Variants in CNOT10 observed in about 807,000 individuals in gnomAD.
The protein encoded by CNOT10 is CCR4-NOT transcription complex subunit 10.
Under a neutral mutation model 94.6 loss-of-function variants are expected in CNOT10, and 30 were observed. That is an observed-to-expected ratio of 0.32 (90% CI 0.24 to 0.43). The LOEUF (loss-of-function observed/expected upper bound fraction) is 0.43. CNOT10 is among the 20% of genes least tolerant of loss of function. The pLI, the probability that CNOT10 is intolerant of heterozygous loss-of-function variation, is 1.00. For synonymous variants in CNOT10, 289 were observed against 301.6 expected (o/e 0.96, Z 0.43); for missense variants, 759 against 877.2 (o/e 0.87, Z 1.70).
chr3:32,753,387 AAAG>A, intron 13 of CNOT10: 1 of 1,397,986 alleles, frequency 7.2e-7, no homozygotes, highest in South Asian at 1.2e-5. Flanking sequence ...AAGAATGTTC[AAAG>A]AATGATGTAA....
intron 13 of CNOT10, 67 bp from the exon 14 acceptor site, chr3:32,759,390 AT>A: frequency 9.0e-7 from 1 of 1,112,492 alleles, no homozygotes; most frequent in South Asian, 1.3e-5. Context: ...ATTTCTTCCT[AT>A]TTAGCAAATA....
At position 32,764,991 on chromosome 3, in the gene CNOT10, A is replaced by T; in HGVS notation, c.2004+182A>T. 3 of 1,519,112 alleles carry T rather than the reference A, an allele frequency of 2.0e-6. No individual in the cohort carries two copies. In the African/African-American group the frequency reaches 4.1e-5, roughly 21 times the overall value. 94.1% of individuals were successfully genotyped at this position (1,519,112 alleles called of 1,614,324 possible). A position where few individuals can be genotyped will look rare whatever the true frequency, so the allele number is the denominator to read the frequency against. On this transcript the variant is annotated intron_variant, in intron 17 of 18. Transcript: ENST00000328834. ...TAATCAGCATTGTAAATGAACCTAG[A>T]CACTTAAAGGAAAGTTCTTCTTGAT...
chr3:32,728,394 G>T (rs1698781929), intron 10 of CNOT10, among the ~76,000 whole-genome samples: 1 of 152,086 alleles, frequency 6.6e-6, no homozygotes, highest in Non-Finnish European at 1.5e-5. Flanking sequence ...GCTGAGGCGG[G>T]TGGATCACTT....
intron 4 of CNOT10, among the ~76,000 whole-genome samples, chr3:32,710,280 T>G (rs1697824596): frequency 6.6e-6 from 1 of 151,824 alleles, no homozygotes; most frequent in Non-Finnish European, 1.5e-5. Context: ...TTATGGCTTT[T>G]TTTTTTTTAA....
intron 10 of CNOT10, 123 bp downstream of exon 10, chr3:32,727,993 T>G: frequency 1.7e-6 from 1 of 588,244 alleles, no homozygotes; most frequent in Non-Finnish European, 2.7e-6. Context: ...ATTTATTTAT[T>G]TATTTATTTA....
intron 6 of CNOT10, among the ~76,000 whole-genome samples, chr3:32,716,675 CCTCACT>C (rs1424224714): frequency 1.3e-5 from 2 of 152,036 alleles, no homozygotes; most frequent in Non-Finnish European, 2.9e-5. Context: ...TGAGACGGAG[CCTCACT>C]CTGTCACCCA....
In CNOT10 at chr3:32,769,888, C is replaced by A; in HGVS notation, c.2006C>A (p.Ala669Glu). Residue 669 changes from alanine to glutamate, a missense_variant and splice_region_variant, in exon 18 of 19, where the codon GCG (alanine) becomes GAG (glutamate). This residue lies in a region of CNOT10 where 682 missense variants were observed against 799.4 expected (regional missense o/e 0.85). Transcript: ENST00000328834. ...YDKARKCLHQ[A>E]ASMIHPKEVP... ...GGCATCTTTCTGTTTTGAGCAAAGG[C>A]GGCTTCAATGATCCATCCTAAAGAG... 6.2e-7 allele frequency: 1 copy of A among 1,613,332 alleles called. No individual in the cohort carries two copies. Among genetic ancestry groups the A allele is most frequent in the Non-Finnish European group, 8.5e-7 (1 of 1,179,388 alleles).
intron 1 of CNOT10, among the ~76,000 whole-genome samples, chr3:32,697,035 C>T (rs1318366901): frequency 6.6e-6 from 1 of 151,864 alleles, no homozygotes; most frequent in African/African-American, 2.4e-5. Context: ...ACTGCAGCCT[C>T]TGCCTTCCGG....
chr3:32,773,456 GGTAATACT>G lies in CNOT10; in HGVS notation c.2081_2088del (p.Gly694AlafsTer21). 1.2e-6 allele frequency: 2 copies of G among 1,610,338 alleles called. No homozygotes were observed. The highest frequency in any genetic ancestry group is 1.7e-6 in the Non-Finnish European group (2 of 1,178,534). On this transcript the variant is annotated frameshift_variant and splice_region_variant, in exon 19 of 19. Transcript: ENST00000328834. LOFTEE classifies it high-confidence loss of function. ...TTTTTTAACGGGAAGTGTTTTTATA[GGTAATACT>G]CAGCTGGCCTTACAGATCATCAAAA...
chr3:32,725,302 C>T (rs1698616467), intron 8 of CNOT10, 148 bp from the exon 9 acceptor site: 2 of 577,166 alleles, frequency 3.5e-6, no homozygotes, highest in Admixed American at 6.9e-5. Flanking sequence ...TCAGATATTT[C>T]CTAAATTTCA....
intron 1 of CNOT10, among the ~76,000 whole-genome samples, chr3:32,699,692 C>T (rs904137627): frequency 1.3e-5 from 2 of 152,136 alleles, no homozygotes; most frequent in East Asian, 3.9e-4. Context: ...ACAGATGCAA[C>T]TCTAGGGCAC....
chr3:32,729,099 A>G (rs1698821292), intron 10 of CNOT10, among the ~76,000 whole-genome samples: 1 of 152,152 alleles, frequency 6.6e-6, no homozygotes, highest in Admixed American at 6.5e-5. Context: ...GTCTCAAAAA[A>G]AAGTTCTGAT....
chr3:32,720,378 C>T lies in CNOT10; in HGVS notation c.862+147C>T, dbSNP rs866582532. On this transcript the variant is annotated intron_variant, in intron 8 of 18. Transcript: ENST00000328834. ...TTAATATTTCTGGTGCAAAAATTTC[C>T]AGGAATTCTTGTTTCTACTTTAGAA... 12 of 431,752 alleles carry T rather than the reference C, an allele frequency of 2.8e-5. No individual in the cohort carries two copies. In the Middle Eastern group the frequency reaches 9.2e-4, roughly 33 times the overall value. 26.7% of individuals were successfully genotyped at this position (431,752 alleles called of 1,614,324 possible).
intron 9 of CNOT10, among the ~76,000 whole-genome samples, chr3:32,726,782 T>C (rs1698688588): frequency 6.7e-6 from 1 of 149,904 alleles, no homozygotes; most frequent in Admixed American, 6.7e-5. Flanking sequence ...ACCGAAACAT[T>C]GAATAGGTTT....
chr3:32,737,804 T>C (rs1483152883), intron 13 of CNOT10, among the ~76,000 whole-genome samples: 1 of 151,100 alleles, frequency 6.6e-6, no homozygotes, highest in African/African-American at 2.4e-5. Context: ...CAACTCTGTC[T>C]CAAAAAAAAA....
At chr3:32,742,899 A>G (rs1377418463) in intron 13 of CNOT10, among the ~76,000 whole-genome samples, 2 of 152,202 alleles carry the variant, frequency 1.3e-5, no homozygotes, top group East Asian at 3.8e-4. Flanking sequence ...TACACATTTA[A>G]AGGGAATCCT....
intron 5 of CNOT10, among the ~76,000 whole-genome samples, chr3:32,713,590 ACTAT>A (rs995663248): frequency 2.8e-4 from 42 of 152,304 alleles, no homozygotes; most frequent in East Asian, 7.7e-4. Context: ...AACCATTACT[ACTAT>A]CTAATTTCAA....
chr3:32,762,119 T>C (rs1443886784), intron 14 of CNOT10, among the ~76,000 whole-genome samples: 4 of 149,756 alleles, frequency 2.7e-5, no homozygotes, highest in African/African-American at 7.4e-5. Context: ...GTGTTGTTCT[T>C]GTGTAGAAAG....
In CNOT10 at chr3:32,759,472, C is replaced by T; in HGVS notation, c.1610C>T (p.Ala537Val). The T allele has an allele frequency of 1.2e-6, 2 of 1,613,466 alleles. No homozygotes were observed. Among genetic ancestry groups the T allele is most frequent in the South Asian group, 2.2e-5 (2 of 91,016 alleles). ...TTGTGTTATAGGTGCTCCATACTTG[C>T]TTGCAGTGCCTACGTGGCTCTGGCT... The part of the protein sequence containing the change: ...ELENLKCSIL[A>V]CSAYVALALG... Residue 537 changes from alanine (A) to valine (V), a missense_variant, in exon 14 of 19, where the codon GCT becomes GTT. Ala to Val is a moderately conservative substitution (Grantham distance 64, BLOSUM62 0). Transcript: ENST00000328834.
Sources: allele counts gnomAD v4.1 joint callset (sites outside exome capture counted in the v4.1 genomes callset), GRCh38; gene constraint gnomAD v4.1.1; regional missense constraint gnomAD v4.1.1; transcripts MANE v1.5; gene names NCBI Gene and HGNC (gene_info 2026-07-23, HGNC 2026-07-21).